Variants in EPB41L5 observed in about 807,000 individuals in gnomAD.
EPB41L5 encodes erythrocyte membrane protein band 4.1 like 5, also known as band 4.1-like protein 5.
In EPB41L5, 55 loss-of-function variants were observed where a neutral mutation model predicts 106.6. That is an observed-to-expected ratio of 0.52 (90% CI 0.42 to 0.65). The LOEUF is 0.65. Among genes scored for constraint, EPB41L5 ranks in the 30% least tolerant of loss-of-function variants. The probability of loss-of-function intolerance (pLI) is 0.00; values close to 1 mark genes in which losing one functional copy is unlikely to be tolerated. For missense variants in EPB41L5, 871 were observed against 882.1 expected, an observed-to-expected ratio of 0.99 and a Z score of 0.16; for synonymous variants, 297 against 306.7, an observed-to-expected ratio of 0.97 and a Z score of 0.33.
chr2:120,086,678 CT>C (rs1683076441), intron 10 of EPB41L5, among the ~76,000 whole-genome samples: 1 of 152,152 alleles, frequency 6.6e-6, no homozygotes, highest in South Asian at 2.1e-4. Context: ...AAGTTCACGG[CT>C]GCAGTGAGCT....
chr2:120,015,509 CGT>C (rs1192249122), intron 1 of EPB41L5, among the ~76,000 whole-genome samples: 1 of 151,892 alleles, frequency 6.6e-6, no homozygotes, highest in Non-Finnish European at 1.5e-5. Flanking sequence ...CAACAGTTTA[CGT>C]GTGTGTCTGT....
At chr2:120,034,797 C>T (rs1227564508) in intron 2 of EPB41L5, among the ~76,000 whole-genome samples, 1 of 152,116 alleles carries the variant, frequency 6.6e-6, no homozygotes, top group Non-Finnish European at 1.5e-5. Context: ...ACCTGGAGGT[C>T]AAGGCTGTGG....
At position 120,121,614 on chromosome 2, in the gene EPB41L5, G is replaced by A. The variant is rs1685218444; in HGVS notation, c.1338-6074G>A. Among the ~76,000 whole-genome samples the A allele has an allele frequency of 6.6e-5, 10 of 152,252 alleles. No homozygotes were observed. In the South Asian group the frequency reaches 1.9e-3, roughly 28 times the overall value. ...CCAGTCTATCATTGATGGACATTTG[G>A]GTTGGTTCCAAGTCTTTGCTATTGC... On this transcript the variant is annotated intron_variant, in intron 16 of 24. Coordinates refer to ENST00000263713, the MANE Select transcript of EPB41L5 (RefSeq NM_020909.4).
intron 17 of EPB41L5, among the ~76,000 whole-genome samples, chr2:120,131,244 G>T (rs1156454740): frequency 6.6e-6 from 1 of 152,188 alleles, no homozygotes; most frequent in Non-Finnish European, 1.5e-5. Context: ...ATGGCAAAGT[G>T]TTGAGGTTAG....
chr2:120,171,564 G>A lies in EPB41L5; in HGVS notation c.2136-3277G>A, dbSNP rs542625667. Among the ~76,000 whole-genome samples the A allele has an allele frequency of 3.9e-5, 6 of 152,316 alleles. No homozygotes were observed. The East Asian group carries it at 5.8e-4, about 15-fold the overall frequency. On this transcript the variant is annotated intron_variant, in intron 24 of 24. Coordinates refer to ENST00000263713, the MANE Select transcript of EPB41L5 (RefSeq NM_020909.4). ...CACACTGAAGGGTGAAATTTCCAAC[G>A]TTCCTTCTTTTCTCAGTTTCCTGAA...
At chr2:120,122,964 C>G (rs1249489136) in intron 16 of EPB41L5, among the ~76,000 whole-genome samples, 2 of 152,106 alleles carry the variant, frequency 1.3e-5, no homozygotes, top group Non-Finnish European at 2.9e-5. Context: ...GGCTCTCTGT[C>G]TGTTATTGGT....
Position 120,167,938 on chromosome 2 carries a change from G to GAC in EPB41L5, c.2068_2069dup (p.Gly691MetfsTer9). On this transcript the variant is annotated frameshift_variant, in exon 24 of 25. Transcript: ENST00000263713. LOFTEE classifies it high-confidence loss of function. ...GAAATGCTTTTGACAGGGAAGGAGG[G>GAC]ACATGGTAATAAAGATGGAATCTCA... 1 of 1,614,082 alleles carries GAC rather than the reference G, an allele frequency of 6.2e-7. No homozygotes were observed. Among genetic ancestry groups the GAC allele is most frequent in the Non-Finnish European group, 8.5e-7 (1 of 1,180,010 alleles).
intron 17 of EPB41L5, 134 bp downstream of exon 17, chr2:120,127,985 T>G: frequency 1.4e-6 from 1 of 735,386 alleles, no homozygotes; most frequent in Non-Finnish European, 2.0e-6. Flanking sequence ...AGTTATGCCC[T>G]CTTGCCTTTT....
chr2:120,026,389 T>TA (rs1303316635), intron 2 of EPB41L5, among the ~76,000 whole-genome samples: 1 of 151,944 alleles, frequency 6.6e-6, no homozygotes, highest in Non-Finnish European at 1.5e-5. Flanking sequence ...TTGTTTTTGA[T>TA]ACGGAGTCTC....
chr2:120,101,525 T>C (rs1684140040), intron 16 of EPB41L5: 1 of 152,172 alleles, frequency 6.6e-6, no homozygotes, highest in African/African-American at 2.4e-5. Flanking sequence ...TTCAAGTTAT[T>C]TGTCTGTTTG....
At chr2:120,017,744 A>G (rs1677618771) in intron 1 of EPB41L5, among the ~76,000 whole-genome samples, 1 of 152,208 alleles carries the variant, frequency 6.6e-6, no homozygotes, top group Admixed American at 6.5e-5. Context: ...ATTTTAGCTG[A>G]AATAGGTGAT....
intron 3 of EPB41L5, among the ~76,000 whole-genome samples, chr2:120,071,963 A>C (rs903509451): frequency 3.3e-5 from 5 of 152,218 alleles, no homozygotes; most frequent in African/African-American, 9.7e-5. Flanking sequence ...TCTGCACAGT[A>C]AAAGAAACTA....
At chr2:120,170,530 A>G (rs1687629988) in intron 24 of EPB41L5, among the ~76,000 whole-genome samples, 1 of 152,218 alleles carries the variant, frequency 6.6e-6, no homozygotes, top group Admixed American at 6.5e-5. Context: ...AGTCCTTACC[A>G]TGTGGGCCTC....
At chr2:120,111,995 C>G (rs1165898229) in intron 16 of EPB41L5, among the ~76,000 whole-genome samples, 1 of 152,130 alleles carries the variant, frequency 6.6e-6, no homozygotes, top group Non-Finnish European at 1.5e-5. Context: ...CCTTCAATCT[C>G]TTATGGTTCA....
At chr2:120,027,603 CT>C (rs1452476372) in intron 2 of EPB41L5, among the ~76,000 whole-genome samples, 6 of 152,096 alleles carry the variant, frequency 3.9e-5, no homozygotes, top group Non-Finnish European at 7.4e-5. Context: ...TGGTGTCTTG[CT>C]ACGTTGTCCA....
chr2:120,144,930 C>G (rs922703166), intron 19 of EPB41L5, among the ~76,000 whole-genome samples: 1 of 152,110 alleles, frequency 6.6e-6, no homozygotes, highest in African/African-American at 2.4e-5. Flanking sequence ...AAGCATTTCA[C>G]AAAATTCAAC....
chr2:120,092,219 G>A (rs1411882870), intron 13 of EPB41L5, among the ~76,000 whole-genome samples: 3 of 151,896 alleles, frequency 2.0e-5, no homozygotes, highest in Non-Finnish European at 4.4e-5. Flanking sequence ...AGTAGAGATG[G>A]GGTTTTGCCA....
intron 3 of EPB41L5, among the ~76,000 whole-genome samples, chr2:120,050,486 C>A (rs1332740222): frequency 6.6e-6 from 1 of 152,184 alleles, no homozygotes; most frequent in Non-Finnish European, 1.5e-5. Context: ...ACGTCATTCT[C>A]GTGCCATGGT....
chr2:120,157,739 A>C (rs1456783186), intron 20 of EPB41L5, among the ~76,000 whole-genome samples: 1 of 151,388 alleles, frequency 6.6e-6, no homozygotes, highest in African/African-American at 2.4e-5. Context: ...ACTGCACTCC[A>C]ACCTGGGAAA....
Sources: gnomAD v4.1 joint callset for allele counts (sites outside exome capture counted in the v4.1 genomes callset) on GRCh38, gnomAD v4.1.1 for gene constraint, MANE v1.5 for transcripts, NCBI Gene and HGNC (gene_info 2026-07-23, HGNC 2026-07-21) for gene names.